The following ITGA1 variants were observed in gnomAD, a reference collection of about 807,000 sequenced individuals.
ITGA1 encodes integrin subunit alpha 1.
A neutral mutation model predicts 145.9 loss-of-function variants in ITGA1; 85 were observed. The ratio of observed to expected loss-of-function variants is 0.58; its 90% CI spans 0.49 to 0.70. The LOEUF (loss-of-function observed/expected upper bound fraction) is 0.70. ITGA1 is among the 30% of genes least tolerant of loss of function. ITGA1 has a pLI of 0.00. For synonymous variants in ITGA1, 520 were observed against 495.3 expected, an observed-to-expected ratio of 1.05 and a Z score of -0.66; for missense variants, 1,351 against 1,418.7, an observed-to-expected ratio of 0.95 and a Z score of 0.77.
intron 1 of ITGA1, among the ~76,000 whole-genome samples, chr5:52,798,410 A>AT (rs11410487): frequency 0.91 from 138,451 of 152,204 alleles, 63,047 homozygotes; most frequent in Middle Eastern, 0.93. Flanking sequence ...TAGGAAGATA[A>AT]TGACACTTAA....
intron 20 of ITGA1, among the ~76,000 whole-genome samples, chr5:52,928,612 A>G (rs1750848224): frequency 6.6e-6 from 1 of 152,328 alleles, no homozygotes. Flanking sequence ...CTTTCTCCCA[A>G]GCCCAGGCAA....
intron 1 of ITGA1, among the ~76,000 whole-genome samples, chr5:52,793,471 A>G (rs1314379656): frequency 6.6e-6 from 1 of 152,080 alleles, no homozygotes; most frequent in East Asian, 1.9e-4. Context: ...TAAAAAAGAC[A>G]AGCCACTCCC....
chr5:52,868,256 T>C (rs1209438034), intron 6 of ITGA1, among the ~76,000 whole-genome samples: 1 of 152,224 alleles, frequency 6.6e-6, no homozygotes, highest in Admixed American at 6.5e-5. Context: ...AAAATTAATT[T>C]ATTTGTAGCT....
At chr5:52,875,268 G>C (rs1749848400) in intron 6 of ITGA1, among the ~76,000 whole-genome samples, 1 of 151,888 alleles carries the variant, frequency 6.6e-6, no homozygotes, top group African/African-American at 2.4e-5. Flanking sequence ...AACATACAAA[G>C]GGATGCTAGT....
At chr5:52,867,027 T>A (rs1232753477) in intron 6 of ITGA1, 1 of 151,844 alleles carries the variant, frequency 6.6e-6, no homozygotes, top group East Asian at 1.9e-4. Context: ...TTTTTTTTTT[T>A]TTTTTCTGAG....
chr5:52,789,338 A>G (rs1748194164), intron 1 of ITGA1, among the ~76,000 whole-genome samples: 2 of 152,208 alleles, frequency 1.3e-5, no homozygotes, highest in Admixed American at 1.3e-4. Flanking sequence ...TGGCTTTAAC[A>G]TATCATTGAT....
chr5:52,828,486 AT>A (rs1749004676), intron 1 of ITGA1, among the ~76,000 whole-genome samples: 1 of 151,958 alleles, frequency 6.6e-6, no homozygotes, highest in African/African-American at 2.4e-5. Flanking sequence ...ATATTTACTC[AT>A]TTTTTAATTG....
At position 52,955,892 on chromosome 5, in the gene ITGA1, T is replaced by C. The variant is rs1751296325; in HGVS notation, c.*3441T>C. 1.3e-5 allele frequency: 2 copies of C among 152,004 alleles called. No homozygotes were observed. The highest frequency in any genetic ancestry group is 4.8e-5 in the African/African-American group (2 of 41,390). 9.4% of individuals were successfully genotyped at this position (152,004 alleles called of 1,614,324 possible). ...AGTAAACAGATATTTTTACAAAATT[T>C]GATGCTTCTGCAACCATAATAATTT... On this transcript the variant is annotated 3_prime_UTR_variant, in exon 29 of 29. Transcript: ENST00000282588.
Position 52,788,309 on chromosome 5 carries a change from C to T in ITGA1, c.-45C>T. The T allele has an allele frequency of 6.9e-7, 1 of 1,459,746 alleles. No homozygotes were observed. Among genetic ancestry groups the T allele is most frequent in the Non-Finnish European group, 9.1e-7 (1 of 1,104,470 alleles). The allele number at this position is 1,459,746 out of a possible 1,614,324, so 90.4% of individuals were successfully genotyped here. A position where few individuals can be genotyped will look rare whatever the true frequency, so the allele number is the denominator to read the frequency against. Reference sequence around the variant, plus strand: ...AGCGCAGCTCCCGCGCCCGGTCCTGCCCTGCGAACCAGCGCGGCCCCCTGG... The same window carrying T: ...AGCGCAGCTCCCGCGCCCGGTCCTGTCCTGCGAACCAGCGCGGCCCCCTGG... On this transcript the variant is annotated 5_prime_UTR_variant, in exon 1 of 29. Coordinates refer to ENST00000282588, the MANE Select transcript of ITGA1 (RefSeq NM_181501.2).
At chr5:52,842,664 CT>C (rs992839768) in intron 1 of ITGA1, among the ~76,000 whole-genome samples, 10 of 136,284 alleles carry the variant, frequency 7.3e-5, no homozygotes, top group Non-Finnish European at 8.0e-5. Context: ...AAATCACTTG[CT>C]TTTTTTTTTC....
chr5:52,950,312 T>C (rs1256126285), intron 28 of ITGA1, among the ~76,000 whole-genome samples: 1 of 152,210 alleles, frequency 6.6e-6, no homozygotes, highest in African/African-American at 2.4e-5. Context: ...TAAAGCTTTA[T>C]TCTTCATCCA....
intron 1 of ITGA1, among the ~76,000 whole-genome samples, chr5:52,825,385 C>T (rs1430780086): frequency 6.6e-6 from 1 of 152,172 alleles, no homozygotes; most frequent in Non-Finnish European, 1.5e-5. Flanking sequence ...GAACAAGTAA[C>T]AGCAAGTGCT....
chr5:52,837,549 C>A (rs1302020151), intron 1 of ITGA1, among the ~76,000 whole-genome samples: 1 of 152,012 alleles, frequency 6.6e-6, no homozygotes, highest in Admixed American at 6.6e-5. Context: ...GTAACCTCTA[C>A]CCTGAATTTT....
At chr5:52,818,925 T>C (rs184541951) in intron 1 of ITGA1, among the ~76,000 whole-genome samples, 21 of 152,330 alleles carry the variant, frequency 1.4e-4, no homozygotes, top group Admixed American at 9.8e-4. Flanking sequence ...AGTGACTTCA[T>C]ACCACAATGG....
At chr5:52,910,131 T>C in intron 13 of ITGA1, 31 bp from the exon 14 acceptor site, 2 of 1,583,740 alleles carry the variant, frequency 1.3e-6, no homozygotes, top group Non-Finnish European at 1.7e-6. Flanking sequence ...ATGATGGAAA[T>C]ACATAAATAT....
chr5:52,855,863 A>G (rs1749504404), intron 2 of ITGA1, among the ~76,000 whole-genome samples: 1 of 152,150 alleles, frequency 6.6e-6, no homozygotes, highest in Non-Finnish European at 1.5e-5. Context: ...AGATACTAGG[A>G]AAATACAGAA....
intron 22 of ITGA1, chr5:52,933,017 G>A (rs1006520410): frequency 2.6e-5 from 4 of 151,680 alleles, no homozygotes; most frequent in South Asian, 2.1e-4. Flanking sequence ...AAATTGACAC[G>A]TAATAATTGT....
At chr5:52,917,559 T>G (rs1306648242) in intron 15 of ITGA1, among the ~76,000 whole-genome samples, 2 of 108,524 alleles carry the variant, frequency 1.8e-5, no homozygotes, top group Admixed American at 1.1e-4. Context: ...TGGTATAGTC[T>G]GCTTCCATTA....
At chr5:52,803,934 T>A (rs1748540422) in intron 1 of ITGA1, 1 of 152,172 alleles carries the variant, frequency 6.6e-6, no homozygotes, top group Non-Finnish European at 1.5e-5. Context: ...AGTATTAAGG[T>A]CTTTCAAAAA....
Sources: gnomAD v4.1 joint callset for allele counts (sites outside exome capture counted in the v4.1 genomes callset) on GRCh38, gnomAD v4.1.1 for gene constraint, MANE v1.5 for transcripts, NCBI Gene and HGNC (gene_info 2026-07-23, HGNC 2026-07-21) for gene names.